The following EBF2 variants were observed in gnomAD, a reference collection of about 807,000 sequenced individuals.
EBF2 encodes the protein transcription factor COE2.
EBF2 carries 21 observed loss-of-function variants against 72.8 expected under a neutral mutation model. That is an observed-to-expected ratio of 0.29 (90% confidence interval 0.20 to 0.42). The LOEUF (loss-of-function observed/expected upper bound fraction) is 0.42, where lower values mean the gene tolerates loss of function less well. Among genes scored for constraint, EBF2 ranks in the 10% least tolerant of loss-of-function variants. The pLI, the probability that EBF2 is intolerant of heterozygous loss-of-function variation, is 1.00. For missense variants in EBF2, 637 were observed against 731.2 expected (o/e 0.87, Z 1.49); for synonymous variants, 299 against 274.2 (o/e 1.09, Z -0.89).
intron 6 of EBF2, among the ~76,000 whole-genome samples, chr8:26,008,549 A>G (rs1184837612): frequency 6.6e-6 from 1 of 152,204 alleles, no homozygotes; most frequent in Non-Finnish European, 1.5e-5. Context: ...GTTAACCACT[A>G]AAGTACTCAC....
In EBF2 at chr8:25,957,784, T is replaced by G. The variant is rs572943695; in HGVS notation, c.552-49229A>C. Among the ~76,000 whole-genome samples the G allele has an allele frequency of 2.6e-5, 4 of 152,314 alleles. No homozygotes were observed. In the East Asian group the frequency reaches 7.7e-4, roughly 29 times the overall value. ...GGGAGGTTGAGATGAAAGGATCACT[T>G]GAGCCCAGGAGTTCAAGATCGTGGT... is the stretch of plus-strand genomic sequence containing the variant. On this transcript the variant is annotated intron_variant, in intron 6 of 15. Transcript: ENST00000520164.
intron 6 of EBF2, among the ~76,000 whole-genome samples, chr8:25,917,140 A>G (rs1803230838): frequency 1.3e-5 from 2 of 151,636 alleles, no homozygotes; most frequent in African/African-American, 4.8e-5. Flanking sequence ...ATTGGTAACT[A>G]CAGTTTCTGA....
rs1563395340 is a variant in EBF2 at position 25,904,419 on chromosome 8, GTT to G, written c.633+4053_633+4054del. Reference sequence around the variant, plus strand: ...GATGATTTTTGTAAAAAGAATCCAGGTTCCACCAGTGTTTGGGGGTAAGGGAA... The same window carrying G: ...GATGATTTTTGTAAAAAGAATCCAGGCCACCAGTGTTTGGGGGTAAGGGAA... On this transcript the variant is annotated intron_variant, in intron 7 of 15. Coordinates refer to ENST00000520164, the MANE Select transcript of EBF2 (RefSeq NM_022659.4). Among the ~76,000 whole-genome samples, 11 of 151,690 alleles carry G rather than the reference GTT, an allele frequency of 7.3e-5. No homozygotes were observed. The South Asian group carries it at 2.3e-3, about 32-fold the overall frequency.
intron 6 of EBF2, among the ~76,000 whole-genome samples, chr8:25,988,596 C>A (rs1804498086): frequency 6.6e-6 from 1 of 152,164 alleles, no homozygotes; most frequent in South Asian, 2.1e-4. Context: ...ATGTAGCTGG[C>A]ATTATGCTAA....
intron 6 of EBF2, among the ~76,000 whole-genome samples, chr8:25,928,829 T>C (rs1585198569): frequency 7.8e-6 from 1 of 127,594 alleles, no homozygotes; most frequent in Non-Finnish European, 1.6e-5. Flanking sequence ...AGAAAGGAAC[T>C]AGAGGACACC....
chr8:25,955,027 T>C (rs9314316), intron 6 of EBF2, among the ~76,000 whole-genome samples: 85,922 of 152,038 alleles, frequency 0.57, 24,709 homozygotes, highest in East Asian at 0.88. Context: ...GCCCAGGGGC[T>C]GCACGCTCTG....
intron 6 of EBF2, among the ~76,000 whole-genome samples, chr8:25,909,030 T>C (rs1585191794): frequency 6.6e-6 from 1 of 152,282 alleles, no homozygotes; most frequent in East Asian, 1.9e-4. Flanking sequence ...ATTCAACTAA[T>C]GTTTACAAAA....
At chr8:26,019,924 C>T (rs1343812891) in intron 6 of EBF2, among the ~76,000 whole-genome samples, 2 of 152,132 alleles carry the variant, frequency 1.3e-5, no homozygotes, top group Non-Finnish European at 2.9e-5. Context: ...GGAGGCACAG[C>T]TCCACCTTCT....
chr8:25,869,442 C>A (rs572833200), intron 10 of EBF2, among the ~76,000 whole-genome samples: 5 of 152,234 alleles, frequency 3.3e-5, no homozygotes, highest in Admixed American at 3.3e-4. Flanking sequence ...ACCAGTACGA[C>A]CCTGTGTGCA....
chr8:25,958,218 A>C (rs1362441804), intron 6 of EBF2, among the ~76,000 whole-genome samples: 1 of 152,208 alleles, frequency 6.6e-6, no homozygotes, highest in Non-Finnish European at 1.5e-5. Flanking sequence ...AGAGCCTCCC[A>C]ACACAAACAG....
intron 6 of EBF2, among the ~76,000 whole-genome samples, chr8:25,966,643 C>A (rs184550899): frequency 5.7e-4 from 87 of 152,334 alleles, no homozygotes; most frequent in African/African-American, 1.9e-3. Flanking sequence ...CCTAATGAGA[C>A]AATGCCTTGG....
chr8:25,938,829 T>C (rs936876809), intron 6 of EBF2, among the ~76,000 whole-genome samples: 2 of 152,068 alleles, frequency 1.3e-5, no homozygotes, highest in African/African-American at 2.4e-5. Context: ...ATGGCTGGTA[T>C]TGGGAGAAGG....
chr8:25,885,490 C>G (rs918333255), intron 10 of EBF2, among the ~76,000 whole-genome samples: 3 of 152,182 alleles, frequency 2.0e-5, no homozygotes, highest in Admixed American at 1.3e-4. Flanking sequence ...GGTTTTTAAG[C>G]TGTTTTATGC....
At chr8:26,000,179 G>A (rs1258852451) in intron 6 of EBF2, among the ~76,000 whole-genome samples, 1 of 152,122 alleles carries the variant, frequency 6.6e-6, no homozygotes, top group Non-Finnish European at 1.5e-5. Flanking sequence ...GGGGAATTGG[G>A]AGAGACCCAG....
At chr8:26,020,050 A>G (rs1805180969) in intron 6 of EBF2, among the ~76,000 whole-genome samples, 1 of 152,088 alleles carries the variant, frequency 6.6e-6, no homozygotes, top group Non-Finnish European at 1.5e-5. Flanking sequence ...CAGGCACAGG[A>G]TGGAGAAAGA....
chr8:25,851,238 T>C (rs943234398), intron 14 of EBF2, among the ~76,000 whole-genome samples: 2 of 152,184 alleles, frequency 1.3e-5, no homozygotes, highest in African/African-American at 4.8e-5. Context: ...GGGTTTGGTC[T>C]GTAGGGTTAA....
rs139301821 is a variant in EBF2, at chr8:26,005,136, C to T, written c.551+27949G>A. On this transcript the variant is annotated intron_variant, in intron 6 of 15. Transcript: ENST00000520164. ...TTCTCTTGTCTATTGTGCTTCCTACCGGTCATGGGAAAACCTATGGAACAC... is the reference window on the plus strand; with the variant it reads ...TTCTCTTGTCTATTGTGCTTCCTACTGGTCATGGGAAAACCTATGGAACAC... Among the ~76,000 whole-genome samples, 433 of 139,874 alleles carry T rather than the reference C, an allele frequency of 3.1e-3. 5 individuals carry two copies. Among genetic ancestry groups the T allele is most frequent in the South Asian group, 0.021 (95 of 4,486 alleles). The allele number at this position is 139,874 out of a possible 152,430, so 91.8% of individuals were successfully genotyped here.
At chr8:26,036,273 T>C (rs527790362) in intron 5 of EBF2, among the ~76,000 whole-genome samples, 1 of 152,284 alleles carries the variant, frequency 6.6e-6, no homozygotes, top group South Asian at 2.1e-4. Context: ...GGTGCCAGTG[T>C]AGTATAATGT....
In EBF2 at chr8:25,844,553, T is replaced by G; in HGVS notation, c.*56A>C. ...CCCCAAAAGAGCTCCTAGTGCTTTC[T>G]TCATTATTGGTCCATCAGAGTAAGT... is the stretch of plus-strand genomic sequence containing the variant. On this transcript the variant is annotated 3_prime_UTR_variant, in exon 16 of 16. Coordinates refer to ENST00000520164, the MANE Select transcript of EBF2 (RefSeq NM_022659.4). 1 of 1,604,088 alleles carries G rather than the reference T, an allele frequency of 6.2e-7. No individual in the cohort carries two copies. Among genetic ancestry groups the G allele is most frequent in the Non-Finnish European group, 8.5e-7 (1 of 1,171,002 alleles).
Sources: allele counts gnomAD v4.1 joint callset (sites outside exome capture counted in the v4.1 genomes callset), GRCh38; gene constraint gnomAD v4.1.1; transcripts MANE v1.5; gene names NCBI Gene and HGNC (gene_info 2026-07-23, HGNC 2026-07-21).